Variants in OPCML observed in about 807,000 individuals in gnomAD.
OPCML encodes the protein opioid binding protein/cell adhesion molecule like.
In OPCML, 13 loss-of-function variants were observed where a neutral mutation model predicts 37.8. The observed-to-expected ratio is 0.34, with a 90% CI of 0.22 to 0.55. OPCML has a LOEUF of 0.55. Ranked by LOEUF, OPCML falls within the 20% of genes least tolerant of loss-of-function variation. The probability of loss-of-function intolerance (pLI) is 0.91; values close to 1 mark genes in which losing one functional copy is unlikely to be tolerated. For missense variants in OPCML, 341 were observed against 435.6 expected, an observed-to-expected ratio of 0.78 and a Z score of 1.93; for synonymous variants, 176 against 168.8, an observed-to-expected ratio of 1.04 and a Z score of -0.33.
At chr11:133,449,333 G>A (rs751589179) in intron 1 of OPCML, among the ~76,000 whole-genome samples, 4 of 152,204 alleles carry the variant, frequency 2.6e-5, no homozygotes, top group Non-Finnish European at 5.9e-5. Context: ...GTCTTGGAAA[G>A]CAGCTAAAGG....
At chr11:133,191,540 G>A (rs12788051) in intron 1 of OPCML, among the ~76,000 whole-genome samples, 19,359 of 135,700 alleles carry the variant, frequency 0.14, 1,511 homozygotes, top group Middle Eastern at 0.22. Context: ...TGTGTGTGAC[G>A]GAGTTTCACT....
At chr11:132,812,464 T>C (rs1939402163) in intron 2 of OPCML, among the ~76,000 whole-genome samples, 1 of 152,084 alleles carries the variant, frequency 6.6e-6, no homozygotes, top group African/African-American at 2.4e-5. Flanking sequence ...AGGGAGAAAG[T>C]TTTAAAATCA....
At chr11:133,252,892 A>G (rs1361235913) in intron 1 of OPCML, among the ~76,000 whole-genome samples, 1 of 152,144 alleles carries the variant, frequency 6.6e-6, no homozygotes, top group African/African-American at 2.4e-5. Context: ...TCATGCCTGT[A>G]ATCCCAGCAC....
rs754571581 is a variant in OPCML, at chr11:133,458,633, G to GTA, written c.61+73629_61+73630dup. ...TATACACATATATACACGTGTGTGT[G>GTA]TATATACACATAGATGCACGTGTGT... is the stretch of plus-strand genomic sequence containing the variant. On this transcript the variant is annotated intron_variant, in intron 1 of 7. Transcript: ENST00000524381. 9.6e-5 allele frequency among the ~76,000 whole-genome samples: 10 copies of GTA among 104,004 alleles called. No homozygotes were observed. The East Asian group carries it at 1.5e-3, about 16-fold the overall frequency. The allele number at this position is 104,004 out of a possible 152,430, so 68.2% of individuals were successfully genotyped here.
intron 4 of OPCML, among the ~76,000 whole-genome samples, chr11:132,516,471 C>T (rs776315055): frequency 2.6e-5 from 4 of 152,080 alleles, no homozygotes; most frequent in Non-Finnish European, 4.4e-5. Context: ...GTGTGTGTAC[C>T]CATTCAATAG....
At chr11:133,327,647 A>G (rs535818417) in intron 1 of OPCML, among the ~76,000 whole-genome samples, 17 of 152,286 alleles carry the variant, frequency 1.1e-4, no homozygotes, top group African/African-American at 3.6e-4. Flanking sequence ...AAGGACCAAC[A>G]TAGATACATG....
chr11:132,605,311 A>C (rs1938209815), intron 3 of OPCML, among the ~76,000 whole-genome samples: 1 of 151,986 alleles, frequency 6.6e-6, no homozygotes, highest in Non-Finnish European at 1.5e-5. Flanking sequence ...TAATCCTAGC[A>C]CTTTGGGACG....
chr11:133,085,422 C>G (rs1948804199), intron 1 of OPCML, among the ~76,000 whole-genome samples: 1 of 152,230 alleles, frequency 6.6e-6, no homozygotes, highest in Non-Finnish European at 1.5e-5. Flanking sequence ...AGACACTAAG[C>G]TCTTTGAGAT....
intron 1 of OPCML, among the ~76,000 whole-genome samples, chr11:133,412,822 A>G (rs1945678345): frequency 6.6e-6 from 1 of 152,178 alleles, no homozygotes; most frequent in Non-Finnish European, 1.5e-5. Context: ...TTTTTGAGTG[A>G]CTGTTATGTA....
At chr11:132,706,807 T>G (rs1944051169) in intron 2 of OPCML, among the ~76,000 whole-genome samples, 1 of 152,222 alleles carries the variant, frequency 6.6e-6, no homozygotes, top group Admixed American at 6.5e-5. Context: ...TTCATCTAAT[T>G]AGGGGTTTAT....
At chr11:132,978,778 TATA>T (rs776571204) in intron 1 of OPCML, among the ~76,000 whole-genome samples, 22 of 152,236 alleles carry the variant, frequency 1.4e-4, no homozygotes, top group Non-Finnish European at 2.1e-4. Context: ...TTTGCATATG[TATA>T]ATGTGTAGAT....
intron 1 of OPCML, among the ~76,000 whole-genome samples, chr11:133,440,922 A>C (rs1946354113): frequency 6.6e-6 from 1 of 150,648 alleles, no homozygotes; most frequent in Non-Finnish European, 1.5e-5. Flanking sequence ...AGCCAATAAA[A>C]ATGTCAAAGT....
rs1348249385 is a variant in OPCML, at chr11:133,233,414, C to CA, written c.62-290405dup. ...TAAGAGAAAGGTGCCCTCCCTGTAC[C>CA]AGGAAGAGGAGAATGCTCCTGTTAC... is the stretch of plus-strand genomic sequence containing the variant. On this transcript the variant is annotated intron_variant, in intron 1 of 7. Transcript: ENST00000524381. Among the ~76,000 whole-genome samples, 6 of 152,268 alleles carry CA rather than the reference C, an allele frequency of 3.9e-5. 1 individual carries two copies. The highest frequency in any genetic ancestry group is 1.4e-4 in the African/African-American group (6 of 41,552).
chr11:133,130,884 C>T (rs893987533), intron 1 of OPCML, among the ~76,000 whole-genome samples: 4 of 151,380 alleles, frequency 2.6e-5, no homozygotes, highest in African/African-American at 9.7e-5. Context: ...TCAATATCCA[C>T]ATGCAAAAAA....
chr11:133,011,869 A>G (rs1947224751), intron 1 of OPCML, among the ~76,000 whole-genome samples: 2 of 152,220 alleles, frequency 1.3e-5, no homozygotes, highest in Admixed American at 1.3e-4. Context: ...AAAGTTGACT[A>G]AGTATACTAG....
At position 133,068,550 on chromosome 11, in the gene OPCML, G is replaced by A. The variant is rs187788733; in HGVS notation, c.62-125540C>T. Among the ~76,000 whole-genome samples, 15 of 152,282 alleles carry A rather than the reference G, an allele frequency of 9.9e-5. No individual in the cohort carries two copies. The East Asian group carries it at 2.5e-3, about 25-fold the overall frequency. On this transcript the variant is annotated intron_variant, in intron 1 of 7. Coordinates refer to ENST00000524381, the MANE Select transcript of OPCML (RefSeq NM_001012393.5). ...TCTGGTATGCACAAAACACATGCTC[G>A]AGAATTAGCTGGCACAAACAGTTGA...
Position 132,815,906 on chromosome 11 carries a change from G to A in OPCML, c.146+127020C>T, listed in dbSNP as rs189553972. Among the ~76,000 whole-genome samples the A allele has an allele frequency of 9.2e-5, 14 of 152,338 alleles. No homozygotes were observed. In the East Asian group the frequency reaches 1.5e-3, roughly 17 times the overall value. Reference sequence around the variant, plus strand: ...ATGTGTCTTGCTGCAAAGCAGAGATGTGCACAAGGAAGATAAGATGGGTGC... The same window carrying A: ...ATGTGTCTTGCTGCAAAGCAGAGATATGCACAAGGAAGATAAGATGGGTGC... On this transcript the variant is annotated intron_variant, in intron 2 of 7. Transcript: ENST00000524381.
intron 1 of OPCML, among the ~76,000 whole-genome samples, chr11:133,154,766 AGAG>A (rs759124861): frequency 3.3e-5 from 5 of 152,162 alleles, no homozygotes; most frequent in Admixed American, 1.3e-4. Flanking sequence ...GAAGGAAAAA[AGAG>A]GAGGGAATGT....
At chr11:133,055,322 T>C (rs1948212016) in intron 1 of OPCML, among the ~76,000 whole-genome samples, 2 of 149,814 alleles carry the variant, frequency 1.3e-5, no homozygotes, top group Admixed American at 6.6e-5. Flanking sequence ...TACTTCCAAG[T>C]AGTGAGACTC....
Sources: gnomAD v4.1 joint callset for allele counts (sites outside exome capture counted in the v4.1 genomes callset) on GRCh38, gnomAD v4.1.1 for gene constraint, MANE v1.5 for transcripts, NCBI Gene and HGNC (gene_info 2026-07-23, HGNC 2026-07-21) for gene names.